IMMP2L: variants seen among roughly 807,000 people sequenced by gnomAD.
IMMP2L encodes the protein mitochondrial inner membrane protease subunit 2.
A neutral mutation model predicts 19.3 loss-of-function variants in IMMP2L; 18 were observed. That is an observed-to-expected ratio of 0.93 (90% confidence interval 0.64 to 1.38). The LOEUF is 1.38. Among genes scored for constraint, IMMP2L ranks in the 40% most tolerant of loss-of-function variants. IMMP2L has a pLI of 0.00. For synonymous variants in IMMP2L, 76 were observed against 73.0 expected, an observed-to-expected ratio of 1.04 and a Z score of -0.21; for missense variants, 233 against 218.2, an observed-to-expected ratio of 1.07 and a Z score of -0.43.
intron 5 of IMMP2L, among the ~76,000 whole-genome samples, chr7:110,850,109 G>A (rs527714480): frequency 6.6e-6 from 1 of 151,886 alleles, no homozygotes; most frequent in Non-Finnish European, 1.5e-5. Flanking sequence ...ACTAAAGTCA[G>A]AAAATATAAT....
intron 5 of IMMP2L, among the ~76,000 whole-genome samples, chr7:110,699,329 CCTAT>C (rs1794097723): frequency 6.6e-6 from 1 of 152,118 alleles, no homozygotes; most frequent in African/African-American, 2.4e-5. Flanking sequence ...GGACAAAGAG[CCTAT>C]GATGCCTAGG....
At chr7:110,879,028 T>A (rs924989710) in intron 5 of IMMP2L, among the ~76,000 whole-genome samples, 2 of 152,200 alleles carry the variant, frequency 1.3e-5, no homozygotes, top group African/African-American at 2.4e-5. Flanking sequence ...TAGGGGACGA[T>A]CTAATATTTA....
intron 3 of IMMP2L, among the ~76,000 whole-genome samples, chr7:111,317,514 A>T (rs1418273847): frequency 6.6e-6 from 1 of 152,166 alleles, no homozygotes; most frequent in Non-Finnish European, 1.5e-5. Flanking sequence ...TATTTTGAAG[A>T]TATAATAATA....
intron 4 of IMMP2L, among the ~76,000 whole-genome samples, chr7:110,887,769 A>T (rs1810376696): frequency 6.6e-6 from 1 of 151,184 alleles, no homozygotes; most frequent in African/African-American, 2.4e-5. Context: ...TTTATCCCCT[A>T]AAAAGCTCAG....
At position 110,824,689 on chromosome 7, in the gene IMMP2L, C is replaced by G. The variant is rs531768876; in HGVS notation, c.408+61904G>C. On this transcript the variant is annotated intron_variant, in intron 5 of 5. Transcript: ENST00000405709. Reference sequence around the variant, plus strand: ...AGCCTGTATTGCACTTTCAATGGATCTTTACCTATGTGCATGCTTTTGAAA... The same window carrying G: ...AGCCTGTATTGCACTTTCAATGGATGTTTACCTATGTGCATGCTTTTGAAA... Among the ~76,000 whole-genome samples the G allele has an allele frequency of 4.6e-5, 7 of 152,186 alleles. No homozygotes were observed. In the East Asian group the frequency reaches 1.4e-3, roughly 30 times the overall value.
intron 3 of IMMP2L, among the ~76,000 whole-genome samples, chr7:111,241,772 T>G (rs1815082109): frequency 2.6e-5 from 4 of 151,648 alleles, no homozygotes; most frequent in Admixed American, 2.6e-4. Context: ...AGGAAGAAAT[T>G]ACCAGATTTT....
chr7:111,041,082 C>A (rs1791850502), intron 3 of IMMP2L, among the ~76,000 whole-genome samples: 2 of 152,002 alleles, frequency 1.3e-5, no homozygotes, highest in Admixed American at 6.6e-5. Flanking sequence ...GTATGATAAT[C>A]TTCTAGAAGA....
In IMMP2L at chr7:110,988,935, T is replaced by C. The variant is rs111277028; in HGVS notation, c.240-25370A>G. 7.1e-3 allele frequency among the ~76,000 whole-genome samples: 1,078 copies of C among 152,196 alleles called. 12 individuals are homozygous for C. Among genetic ancestry groups the C allele is most frequent in the African/African-American group, 0.025 (1,024 of 41,532 alleles). On this transcript the variant is annotated intron_variant, in intron 3 of 5. Transcript: ENST00000405709. ...CTCTGGGAGAAAAAGTCTGGAAAGA[T>C]AGACATTAATATGTTCTTTTGCCAG...
chr7:110,933,157 A>C (rs1274085024), intron 4 of IMMP2L, among the ~76,000 whole-genome samples: 1 of 152,210 alleles, frequency 6.6e-6, no homozygotes, highest in Non-Finnish European at 1.5e-5. Flanking sequence ...TACACAGAGA[A>C]ACAGACCTAA....
chr7:111,156,357 A>G (rs1456268475), intron 3 of IMMP2L, among the ~76,000 whole-genome samples: 1 of 152,100 alleles, frequency 6.6e-6, no homozygotes, highest in East Asian at 1.9e-4. Flanking sequence ...TCCCTTTCCA[A>G]TACTTAGTAT....
At chr7:111,533,586 G>A (rs76055729) in intron 1 of IMMP2L, among the ~76,000 whole-genome samples, 3,056 of 152,162 alleles carry the variant, frequency 0.02, 105 homozygotes, top group African/African-American at 0.07. Context: ...TGATAAAGTC[G>A]ACATTCATAT....
intron 4 of IMMP2L, among the ~76,000 whole-genome samples, chr7:110,936,984 A>G (rs1380111163): frequency 6.6e-6 from 1 of 152,068 alleles, no homozygotes; most frequent in African/African-American, 2.4e-5. Context: ...GTTCTTACTC[A>G]TAAGTGGGAG....
At chr7:111,305,738 A>C (rs1252036437) in intron 3 of IMMP2L, among the ~76,000 whole-genome samples, 1 of 152,216 alleles carries the variant, frequency 6.6e-6, no homozygotes, top group African/African-American at 2.4e-5. Flanking sequence ...ATGAAGAATC[A>C]GCTTTCAGGT....
chr7:111,076,949 C>A (rs1795467328), intron 3 of IMMP2L, among the ~76,000 whole-genome samples: 1 of 152,132 alleles, frequency 6.6e-6, no homozygotes. Flanking sequence ...CTGACTCTAG[C>A]TAGACCTCAA....
At chr7:110,941,127 C>T (rs1232462837) in intron 4 of IMMP2L, among the ~76,000 whole-genome samples, 1 of 152,170 alleles carries the variant, frequency 6.6e-6, no homozygotes, top group Non-Finnish European at 1.5e-5. Flanking sequence ...ATGCATCTCT[C>T]AGAAGAGTGG....
rs1818098611 is a variant in IMMP2L, at chr7:111,268,583, T to C, written c.239+218655A>G. Among the ~76,000 whole-genome samples, 128 of 31,568 alleles carry C rather than the reference T, an allele frequency of 4.1e-3. 1 individual carries two copies. Among genetic ancestry groups the C allele is most frequent in the African/African-American group, 0.013 (123 of 9,708 alleles). 20.7% of individuals were successfully genotyped at this position (31,568 alleles called of 152,430 possible). A position where few individuals can be genotyped will look rare whatever the true frequency, so the allele number is the denominator to read the frequency against. ...TTCACATTTCTCTTTTTTTTTTTTTTTTTTTTTTTTTTTTTTTTTTTTTTT... is the reference window on the plus strand; with the variant it reads ...TTCACATTTCTCTTTTTTTTTTTTTCTTTTTTTTTTTTTTTTTTTTTTTTT... On this transcript the variant is annotated intron_variant, in intron 3 of 5. Transcript: ENST00000405709.
chr7:111,041,985 T>A (rs1791941993), intron 3 of IMMP2L, among the ~76,000 whole-genome samples: 1 of 152,198 alleles, frequency 6.6e-6, no homozygotes, highest in Admixed American at 6.5e-5. Flanking sequence ...CAATCTATAT[T>A]ATAGGGCTTT....
intron 3 of IMMP2L, among the ~76,000 whole-genome samples, chr7:111,365,533 A>T (rs1829686199): frequency 6.6e-6 from 1 of 152,156 alleles, no homozygotes; most frequent in East Asian, 1.9e-4. Context: ...GAATTAAAAC[A>T]TCATAGGTTC....
rs536956516 is a variant in IMMP2L, at chr7:110,747,719, C to T, written c.409-83998G>A. ...AACAGCCCTTCATGCTAAAAACTCT[C>T]GATAAACTAGGCATTGATGGAACGT... is the stretch of plus-strand genomic sequence containing the variant. On this transcript the variant is annotated intron_variant, in intron 5 of 5. Coordinates refer to ENST00000405709, the MANE Select transcript of IMMP2L (RefSeq NM_032549.4). Among the ~76,000 whole-genome samples, 96 of 152,264 alleles carry T rather than the reference C, an allele frequency of 6.3e-4. 2 individuals are homozygous for T. The highest frequency in any genetic ancestry group is 9.8e-4 in the Admixed American group (15 of 15,288).
Sources: allele counts gnomAD v4.1 joint callset (sites outside exome capture counted in the v4.1 genomes callset), GRCh38; gene constraint gnomAD v4.1.1; transcripts MANE v1.5; gene names NCBI Gene and HGNC (gene_info 2026-07-23, HGNC 2026-07-21).